Variants in SDK2 observed in about 807,000 individuals in gnomAD.
The protein encoded by SDK2 is sidekick cell adhesion molecule 2, also known as protein sidekick-2.
In SDK2, 105 loss-of-function variants were observed where a neutral mutation model predicts 253.9. The observed-to-expected ratio is 0.41, with a 90% CI of 0.35 to 0.49. SDK2 has a LOEUF of 0.49. Among genes scored for constraint, SDK2 ranks in the 20% least tolerant of loss-of-function variants. The pLI is 0.06. For synonymous variants in SDK2, 1,249 were observed against 1,234.9 expected (o/e 1.01, Z -0.24); for missense variants, 2,608 against 3,003.0 (o/e 0.87, Z 3.07).
chr17:73,527,326 G>C (rs2064133711), intron 1 of SDK2, among the ~76,000 whole-genome samples: 1 of 152,202 alleles, frequency 6.6e-6, no homozygotes, highest in East Asian at 1.9e-4. Context: ...GTGGGGGAAG[G>C]GGTGTGGATG....
intron 2 of SDK2, among the ~76,000 whole-genome samples, chr17:73,499,254 C>T (rs10852749): frequency 0.7 from 106,523 of 152,198 alleles, 37,354 homozygotes; most frequent in East Asian, 0.76. Context: ...GCTCCGCGTG[C>T]GTCCCCTGCT....
rs1441044604 is a variant in SDK2, at chr17:73,570,848, C to T, written c.65-63251G>A. 6.6e-6 allele frequency among the ~76,000 whole-genome samples: 1 copy of T among 152,180 alleles called. No homozygotes were observed. Among genetic ancestry groups the T allele is most frequent in the Non-Finnish European group, 1.5e-5 (1 of 68,030 alleles). ...TTTAGCCCGAAATGCTCCTCCCAGG[C>T]CTGCAGGGACATGGCTGACCTCACA... On this transcript the variant is annotated intron_variant, in intron 1 of 44. Transcript: ENST00000392650. The surrounding 1 kb of genome is among the most constrained non-coding windows in gnomAD (Gnocchi z 4.2).
Position 73,570,089 on chromosome 17 carries a change from ACT to A in SDK2, c.65-62494_65-62493del, listed in dbSNP as rs1213509947. On this transcript the variant is annotated intron_variant, in intron 1 of 44. Transcript: ENST00000392650. This position sits in a 1 kb window ranked among gnomAD's most constrained non-coding sequence, Gnocchi z 4.2. ...AGGAAGAGAGTCAGGCGGCCCCATG[ACT>A]CTCCCCAGAGCCCCTCGGGACGGCC... Among the ~76,000 whole-genome samples the A allele has an allele frequency of 6.6e-6, 1 of 151,060 alleles. No homozygotes were observed. Among genetic ancestry groups the A allele is most frequent in the African/African-American group, 2.4e-5 (1 of 41,022 alleles).
At chr17:73,602,931 A>C (rs924525691) in intron 1 of SDK2, among the ~76,000 whole-genome samples, 1 of 152,028 alleles carries the variant, frequency 6.6e-6, no homozygotes, top group African/African-American at 2.4e-5. Context: ...TACCATATTG[A>C]TCAGGCTGGT....
Position 73,402,089 on chromosome 17 carries a change from C to T in SDK2, c.2537G>A (p.Arg846Gln). 1 of 1,614,018 alleles carries T rather than the reference C, an allele frequency of 6.2e-7. No individual in the cohort carries two copies. Among genetic ancestry groups the T allele is most frequent in the Non-Finnish European group, 8.5e-7 (1 of 1,179,892 alleles). The change falls in exon 19 of 45, where the codon CGG becomes CAG. Residue 846 changes from arginine (R) to glutamine (Q), a missense_variant. Arg to Gln is a conservative substitution (Grantham distance 43). This residue lies in a region of SDK2 where 1,505 missense variants were observed against 1,859.1 expected (regional missense o/e 0.81). Transcript: ENST00000392650. ...GTGGATGCTGTCTTGAAAGTTAGGC[C>T]GGGCGGTCACCATGGTAACCTCCTC... is the stretch of plus-strand genomic sequence containing the variant. ...QEEEVTMVTA[R>Q]PNFQDSIHVG...
chr17:73,489,267 G>T (rs1365508448), intron 2 of SDK2, among the ~76,000 whole-genome samples: 1 of 152,192 alleles, frequency 6.6e-6, no homozygotes, highest in Non-Finnish European at 1.5e-5. Context: ...GACAATAGTG[G>T]TCAGTTCCCT....
At chr17:73,601,385 C>T (rs2045838204) in intron 1 of SDK2, among the ~76,000 whole-genome samples, 1 of 152,118 alleles carries the variant, frequency 6.6e-6, no homozygotes, top group Non-Finnish European at 1.5e-5. Context: ...AATAGTGTCC[C>T]CCCAAATTCA....
chr17:73,421,768 C>A (rs1037399871), intron 15 of SDK2, among the ~76,000 whole-genome samples: 9 of 151,814 alleles, frequency 5.9e-5, no homozygotes, highest in African/African-American at 1.9e-4. Flanking sequence ...GCTATGTTGG[C>A]CAGGCTGGTT....
In SDK2 at chr17:73,465,767, G is replaced by A. The variant is rs765167876; in HGVS notation, c.331+6345C>T. Among the ~76,000 whole-genome samples the A allele has an allele frequency of 3.1e-4, 47 of 152,144 alleles. No homozygotes were observed. The highest frequency in any genetic ancestry group is 3.3e-4 in the Admixed American group (5 of 15,280). ...ATTCACAGTTCTCTTTGGGAAGGGG[G>A]CTGGGTGCCAGGGGTTGGCCAGCCT... On this transcript the variant is annotated intron_variant, in intron 3 of 44. Coordinates refer to ENST00000392650, the MANE Select transcript of SDK2 (RefSeq NM_001144952.2). The surrounding 1 kb of genome is among the most constrained non-coding windows in gnomAD (Gnocchi z 4.2).
rs1387237621 is a variant in SDK2 at position 73,612,443 on chromosome 17, C to T, written c.64+31582G>A. ...CAGGCTGGCCTCCCAAGGTCCCCTA[C>T]CCTCACTGGGTCCTTGTGGCCCTGC... On this transcript the variant is annotated intron_variant, in intron 1 of 44. Transcript: ENST00000392650. The surrounding 1 kb of genome is among the most constrained non-coding windows in gnomAD (Gnocchi z 4.4). 6.6e-6 allele frequency among the ~76,000 whole-genome samples: 1 copy of T among 152,174 alleles called. No individual in the cohort carries two copies.
intron 18 of SDK2, among the ~76,000 whole-genome samples, chr17:73,410,395 T>C (rs12451991): frequency 0.95 from 144,955 of 152,278 alleles, 69,136 homozygotes; most frequent in Non-Finnish European, 0.99. Context: ...CTCACTGCAA[T>C]GTCCGCCTCC....
chr17:73,420,718 C>T (rs1452644807), intron 15 of SDK2, among the ~76,000 whole-genome samples: 1 of 152,014 alleles, frequency 6.6e-6, no homozygotes, highest in East Asian at 1.9e-4. Context: ...TCTTGTCCCC[C>T]AGGCTGGAGT....
chr17:73,424,977 T>C (rs1054350379), intron 12 of SDK2, among the ~76,000 whole-genome samples: 1 of 152,186 alleles, frequency 6.6e-6, no homozygotes, highest in Admixed American at 6.5e-5. Context: ...CCCAGCACTT[T>C]GGGAGGCCGA....
At chr17:73,427,274 T>C (rs2063290974) in intron 12 of SDK2, among the ~76,000 whole-genome samples, 2 of 152,180 alleles carry the variant, frequency 1.3e-5, no homozygotes, top group South Asian at 4.1e-4. Context: ...TTAACAACAC[T>C]GTGAGACAGC....
At chr17:73,400,283 G>T (rs1044107836) in intron 21 of SDK2, among the ~76,000 whole-genome samples, 1 of 152,196 alleles carries the variant, frequency 6.6e-6, no homozygotes, top group Non-Finnish European at 1.5e-5. Flanking sequence ...CTTGCTCTCT[G>T]TGCCAGGCCT....
At chr17:73,365,621 AG>A (rs1408782971) in intron 37 of SDK2, among the ~76,000 whole-genome samples, 1 of 152,072 alleles carries the variant, frequency 6.6e-6, no homozygotes, top group Non-Finnish European at 1.5e-5. Flanking sequence ...GGGAAGAAAG[AG>A]AACTCGATTT....
chr17:73,582,658 CTG>C (rs1175569101), intron 1 of SDK2, among the ~76,000 whole-genome samples: 4 of 152,198 alleles, frequency 2.6e-5, no homozygotes, highest in Non-Finnish European at 5.9e-5. Context: ...TAGGGAGAGG[CTG>C]TGTCCTGAAT....
chr17:73,530,298 C>T (rs1026504882), intron 1 of SDK2, among the ~76,000 whole-genome samples: 2 of 152,064 alleles, frequency 1.3e-5, no homozygotes, highest in East Asian at 1.9e-4. Flanking sequence ...TGGCAGAAGG[C>T]GAAGGGGAAG....
At chr17:73,587,044 G>C (rs72845788) in intron 1 of SDK2, among the ~76,000 whole-genome samples, 1,693 of 152,252 alleles carry the variant, frequency 0.011, 22 homozygotes, top group Non-Finnish European at 0.02. Context: ...TAAAGGGCTC[G>C]GTATGGTGCC....
Sources: gnomAD v4.1 joint callset for allele counts (sites outside exome capture counted in the v4.1 genomes callset) on GRCh38, gnomAD v4.1.1 for gene constraint, gnomAD v4.1.1 regional missense constraint, Gnocchi (gnomAD v3.1) non-coding constraint, MANE v1.5 for transcripts, NCBI Gene and HGNC (gene_info 2026-07-23, HGNC 2026-07-21) for gene names.